GOLM1: variants seen among roughly 807,000 people sequenced by gnomAD.
GOLM1 encodes golgi membrane protein 1.
A neutral mutation model predicts 50.5 loss-of-function variants in GOLM1; 31 were observed. The ratio of observed to expected loss-of-function variants is 0.61; its 90% CI spans 0.46 to 0.83. The LOEUF is 0.83. Ranked by LOEUF, GOLM1 falls within the 40% of genes least tolerant of loss-of-function variation. The probability of loss-of-function intolerance (pLI) is 0.00; values close to 1 mark genes in which losing one functional copy is unlikely to be tolerated. For synonymous variants in GOLM1, 178 were observed against 192.8 expected (o/e 0.92, Z 0.64); for missense variants, 491 against 501.3 (o/e 0.98, Z 0.20).
Position 86,036,416 on chromosome 9 carries a change from T to C in GOLM1, c.689A>G (p.Asn230Ser). ...VPQGKGNVLG[N>S]SKSQTPAPSS... Reference sequence around the variant, plus strand: ...GGGGGCTGGTGTCTGGGACTTGCTGTTACCAAGCACGTTTCCCTTCCCTTG... The same window carrying C: ...GGGGGCTGGTGTCTGGGACTTGCTGCTACCAAGCACGTTTCCCTTCCCTTG... The change falls in exon 7 of 10, where the codon AAC becomes AGC. Residue 230 changes from asparagine (N) to serine (S), a missense_variant. Asn to Ser is a conservative substitution (Grantham distance 46). Coordinates refer to ENST00000388712, the MANE Select transcript of GOLM1 (RefSeq NM_016548.4). 6.2e-7 allele frequency: 1 copy of C among 1,614,178 alleles called. No individual in the cohort carries two copies. The highest frequency in any genetic ancestry group is 8.5e-7 in the Non-Finnish European group (1 of 1,180,014).
chr9:86,098,748 T>A (rs561276415), intron 1 of GOLM1, among the ~76,000 whole-genome samples: 2 of 152,236 alleles, frequency 1.3e-5, no homozygotes, highest in Non-Finnish European at 2.9e-5. Context: ...AGGGCAAAGT[T>A]GTGTGGATCC....
At chr9:86,058,628 G>A (rs1328633907) in intron 3 of GOLM1, among the ~76,000 whole-genome samples, 2 of 149,738 alleles carry the variant, frequency 1.3e-5, no homozygotes, top group Non-Finnish European at 3.0e-5. Flanking sequence ...CATAGGAGGC[G>A]GAGGTTGCAG....
chr9:86,049,833 C>G lies in GOLM1; in HGVS notation c.364+2704G>C, dbSNP rs565784156. Among the ~76,000 whole-genome samples the G allele has an allele frequency of 8.5e-5, 13 of 152,304 alleles. No homozygotes were observed. The East Asian group carries it at 2.5e-3, about 29-fold the overall frequency. ...GCAAACAGGGACAATTTGACTTCCT[C>G]TTTTCCTAATTGAATACCCTTTATT... On this transcript the variant is annotated intron_variant, in intron 4 of 9. Transcript: ENST00000388712.
Position 86,027,545 on chromosome 9 carries a change from C to T in GOLM1, c.*272G>A. ...GCTGTCGCCAACACTTGAAGGAGAACTATGTTCCAGTTTTGGTGTTGAACT... is the reference window on the plus strand; with the variant it reads ...GCTGTCGCCAACACTTGAAGGAGAATTATGTTCCAGTTTTGGTGTTGAACT... On this transcript the variant is annotated 3_prime_UTR_variant, in exon 10 of 10. Transcript: ENST00000388712. 2 of 1,239,692 alleles carry T rather than the reference C, an allele frequency of 1.6e-6. No homozygotes were observed. Among genetic ancestry groups the T allele is most frequent in the Non-Finnish European group, 2.0e-6 (2 of 989,688 alleles). The allele number at this position is 1,239,692 out of a possible 1,614,324, so 76.8% of individuals were successfully genotyped here.
chr9:86,046,998 G>C (rs1374378135), intron 4 of GOLM1, among the ~76,000 whole-genome samples: 1 of 141,066 alleles, frequency 7.1e-6, no homozygotes, highest in African/African-American at 2.8e-5. Context: ...TTGATGTTTG[G>C]TCAGATAAGC....
At chr9:86,035,052 G>T (rs201653283) in intron 8 of GOLM1, 8 of 985,138 alleles carry the variant, frequency 8.1e-6, no homozygotes, top group Admixed American at 1.2e-4. Flanking sequence ...CAAAAATGGG[G>T]CATGTGGCCT....
rs1833316170 is a variant in GOLM1, at chr9:86,040,731, C to G, written c.597+8G>C. 1.2e-6 allele frequency: 2 copies of G among 1,606,128 alleles called. No individual in the cohort carries two copies. The highest frequency in any genetic ancestry group is 1.7e-6 in the Non-Finnish European group (2 of 1,177,856). On this transcript the variant is annotated splice_region_variant and intron_variant, in intron 6 of 9. Coordinates refer to ENST00000388712, the MANE Select transcript of GOLM1 (RefSeq NM_016548.4). ...TCTAGAAACTCTTGGCAAAAATTCC[C>G]CAGTTACCTGCTGTCTCTGGTCGTT...
intron 1 of GOLM1, among the ~76,000 whole-genome samples, chr9:86,087,388 C>G (rs927474488): frequency 3.9e-5 from 6 of 152,196 alleles, no homozygotes; most frequent in Admixed American, 3.3e-4. Flanking sequence ...ATGTTGTCTG[C>G]AAACAGGGAT....
intron 1 of GOLM1, among the ~76,000 whole-genome samples, chr9:86,096,200 G>GCCAAACC (rs1835351885): frequency 6.7e-6 from 1 of 148,940 alleles, no homozygotes; most frequent in Non-Finnish European, 1.5e-5. Context: ...TTTTGGTTTG[G>GCCAAACC]AAATAAAAGG....
chr9:86,043,402 G>A (rs1833425475), intron 5 of GOLM1, among the ~76,000 whole-genome samples: 1 of 152,166 alleles, frequency 6.6e-6, no homozygotes, highest in African/African-American at 2.4e-5. Flanking sequence ...GCCTTCTATA[G>A]AAGGATTAGA....
intron 3 of GOLM1, among the ~76,000 whole-genome samples, chr9:86,057,172 C>A (rs1485836517): frequency 6.6e-6 from 1 of 152,164 alleles, no homozygotes; most frequent in East Asian, 1.9e-4. Flanking sequence ...GGTGAATTAC[C>A]CATGTACAAA....
At chr9:86,036,244 C>T (rs767307010) in intron 7 of GOLM1, 104 bp downstream of exon 7, 77 of 1,176,416 alleles carry the variant, frequency 6.5e-5, no homozygotes, top group Admixed American at 1.8e-4. Flanking sequence ...CTCCTGGCTG[C>T]GCCGCTGCCG....
intron 4 of GOLM1, among the ~76,000 whole-genome samples, chr9:86,047,141 A>C (rs1262601817): frequency 6.6e-6 from 1 of 152,208 alleles, no homozygotes; most frequent in African/African-American, 2.4e-5. Flanking sequence ...TCATCAGGGA[A>C]AGAGCGGCTT....
intron 5 of GOLM1, among the ~76,000 whole-genome samples, chr9:86,044,374 G>A (rs1486358577): frequency 6.6e-6 from 1 of 152,238 alleles, no homozygotes. Flanking sequence ...AAAGTTAGTA[G>A]GAAGATATTA....
At position 86,026,840 on chromosome 9, in the gene GOLM1, A is replaced by C. The variant is rs1212639797; in HGVS notation, c.*977T>G. On this transcript the variant is annotated 3_prime_UTR_variant, in exon 10 of 10. Transcript: ENST00000388712. ...AGCTAAATGTGTACACTATGATAAAAACAACCATTGTATTCCTGTTTTTCT... is the reference window on the plus strand; with the variant it reads ...AGCTAAATGTGTACACTATGATAAACACAACCATTGTATTCCTGTTTTTCT... 3.1e-6 allele frequency: 3 copies of C among 980,554 alleles called. No homozygotes were observed. Among genetic ancestry groups the C allele is most frequent in the Non-Finnish European group, 3.6e-6 (3 of 825,624 alleles). 60.7% of individuals were successfully genotyped at this position (980,554 alleles called of 1,614,324 possible). A position where few individuals can be genotyped will look rare whatever the true frequency, so the allele number is the denominator to read the frequency against.
intron 3 of GOLM1, among the ~76,000 whole-genome samples, chr9:86,069,135 CTAT>C (rs1158253120): frequency 5.4e-5 from 7 of 129,460 alleles, no homozygotes; most frequent in South Asian, 2.4e-4. Flanking sequence ...CATGTAATCT[CTAT>C]TTTTTTTTTT....
At chr9:86,088,207 A>G (rs1392953139) in intron 1 of GOLM1, among the ~76,000 whole-genome samples, 4 of 151,168 alleles carry the variant, frequency 2.6e-5, no homozygotes, top group African/African-American at 4.9e-5. Context: ...TTTCTTCTAG[A>G]TTTTCTAGTT....
intron 1 of GOLM1, among the ~76,000 whole-genome samples, chr9:86,092,451 G>A (rs1353339583): frequency 6.6e-6 from 1 of 152,166 alleles, no homozygotes; most frequent in Non-Finnish European, 1.5e-5. Context: ...TGAGGCCGTG[G>A]ACATCCCAGA....
intron 3 of GOLM1, among the ~76,000 whole-genome samples, chr9:86,069,824 T>A (rs1031198873): frequency 2.0e-5 from 3 of 152,218 alleles, no homozygotes; most frequent in Non-Finnish European, 2.9e-5. Context: ...CTGACTGCAC[T>A]GAAATGCTGT....
Sources: gnomAD v4.1 joint callset for allele counts (sites outside exome capture counted in the v4.1 genomes callset) on GRCh38, gnomAD v4.1.1 for gene constraint, MANE v1.5 for transcripts, NCBI Gene and HGNC (gene_info 2026-07-23, HGNC 2026-07-21) for gene names.